The following GALM variants were observed in gnomAD, a reference collection of about 807,000 sequenced individuals.
GALM encodes the protein galactose mutarotase, also known as aldose 1-epimerase.
GALM carries 43 observed loss-of-function variants against 37.4 expected under a neutral mutation model. The ratio of observed to expected loss-of-function variants is 1.15; its 90% CI spans 0.90 to 1.48. The LOEUF (loss-of-function observed/expected upper bound fraction) is 1.48. Ranked by LOEUF, GALM falls within the 40% of genes most tolerant of loss-of-function variation. The pLI is 0.00. For synonymous variants in GALM, 199 were observed against 170.6 expected, an observed-to-expected ratio of 1.17 and a Z score of -1.30; for missense variants, 456 against 419.1, an observed-to-expected ratio of 1.09 and a Z score of -0.77.
At chr2:38,728,473 G>A (rs962732585) in intron 4 of GALM, among the ~76,000 whole-genome samples, 181 of 150,158 alleles carry the variant, frequency 1.2e-3, no homozygotes, top group Non-Finnish European at 2.0e-3. Flanking sequence ...GAGGTGGGCA[G>A]ATCACCTGTC....
intron 4 of GALM, among the ~76,000 whole-genome samples, chr2:38,691,638 C>A (rs558999902): frequency 6.6e-6 from 1 of 151,838 alleles, no homozygotes; most frequent in African/African-American, 2.4e-5. Flanking sequence ...GAGCCGTGAT[C>A]TCTGCTGCAC....
chr2:38,721,718 G>T (rs12712613), intron 4 of GALM, among the ~76,000 whole-genome samples: 62,879 of 151,678 alleles, frequency 0.41, 15,525 homozygotes, highest in Middle Eastern at 0.53. Flanking sequence ...ATCTCACCAG[G>T]TTGCCCAGGT....
Position 38,729,564 on chromosome 2 carries a change from G to GC in GALM, c.647dup (p.Val217SerfsTer27). On this transcript the variant is annotated frameshift_variant, in exon 5 of 7. Transcript: ENST00000272252. LOFTEE classifies it high-confidence loss of function. ...CTGTCTCTTCCCATCAGGAGAAGTT[G>GC]CCCCAGTGCAAGGCACTGCATTCGA... 6.2e-7 allele frequency: 1 copy of GC among 1,612,980 alleles called. No homozygotes were observed. The highest frequency in any genetic ancestry group is 2.2e-5 in the East Asian group (1 of 44,834).
At chr2:38,697,969 A>G (rs1436996813) in intron 4 of GALM, among the ~76,000 whole-genome samples, 2 of 150,778 alleles carry the variant, frequency 1.3e-5, no homozygotes, top group Non-Finnish European at 3.0e-5. Context: ...TTTTAGACAG[A>G]GTCTCACTCC....
intron 4 of GALM, among the ~76,000 whole-genome samples, chr2:38,705,198 G>A (rs1666012980): frequency 6.6e-6 from 1 of 152,148 alleles, no homozygotes; most frequent in Non-Finnish European, 1.5e-5. Flanking sequence ...TCTGGACAAG[G>A]GCTGCCTCTA....
chr2:38,708,945 C>T (rs1025903422), intron 4 of GALM, among the ~76,000 whole-genome samples: 6 of 152,152 alleles, frequency 3.9e-5, no homozygotes, highest in Admixed American at 2.6e-4. Flanking sequence ...TGGCCTCTGC[C>T]GGTGCTTCTG....
intron 4 of GALM, among the ~76,000 whole-genome samples, chr2:38,703,414 G>A (rs149578028): frequency 7.3e-5 from 11 of 151,500 alleles, no homozygotes; most frequent in African/African-American, 2.2e-4. Flanking sequence ...CCTTAAACAC[G>A]GTATATTAGC....
At chr2:38,673,469 G>A (rs766703348) in intron 1 of GALM, among the ~76,000 whole-genome samples, 10 of 152,118 alleles carry the variant, frequency 6.6e-5, no homozygotes, top group Non-Finnish European at 1.3e-4. Flanking sequence ...GCCCAAAGTT[G>A]TAAGTATGAG....
chr2:38,714,190 T>C (rs1666223717), intron 4 of GALM, among the ~76,000 whole-genome samples: 1 of 152,120 alleles, frequency 6.6e-6, no homozygotes, highest in African/African-American at 2.4e-5. Context: ...TTAGCTCATT[T>C]AACTACTTTG....
At chr2:38,695,337 A>G (rs1469264670) in intron 4 of GALM, among the ~76,000 whole-genome samples, 1 of 152,192 alleles carries the variant, frequency 6.6e-6, no homozygotes, top group African/African-American at 2.4e-5. Flanking sequence ...TAAAGTTTCA[A>G]AAAAAGAAAG....
chr2:38,694,405 T>G (rs1232404929), intron 4 of GALM, among the ~76,000 whole-genome samples: 1 of 152,116 alleles, frequency 6.6e-6, no homozygotes, highest in Admixed American at 6.6e-5. Flanking sequence ...TCTCACTGTC[T>G]CCTCCTTGTT....
chr2:38,711,641 G>A (rs1246123084), intron 4 of GALM, among the ~76,000 whole-genome samples: 3 of 148,798 alleles, frequency 2.0e-5, no homozygotes, highest in Non-Finnish European at 4.5e-5. Context: ...TCTCTGGAAT[G>A]AGACTGCCTA....
chr2:38,687,933 C>G (rs564306551), intron 3 of GALM, among the ~76,000 whole-genome samples: 5 of 152,220 alleles, frequency 3.3e-5, no homozygotes, highest in African/African-American at 1.2e-4. Flanking sequence ...ACCAGTCGGC[C>G]GGGCACAGTG....
At chr2:38,702,932 T>TTATATATATATATATATATATA (rs202010853) in intron 4 of GALM, among the ~76,000 whole-genome samples, 17 of 134,868 alleles carry the variant, frequency 1.3e-4, no homozygotes, top group African/African-American at 4.7e-4. Context: ...TATATACTTT[T>TTATATATATATATATATATATA]TATATATATA....
chr2:38,710,960 A>T (rs1666139576), intron 4 of GALM, among the ~76,000 whole-genome samples: 1 of 150,484 alleles, frequency 6.6e-6, no homozygotes. Context: ...CACCATCTTG[A>T]CCAGGCTGGT....
intron 5 of GALM, among the ~76,000 whole-genome samples, chr2:38,731,055 G>A (rs1052072691): frequency 1.2e-4 from 18 of 151,678 alleles, no homozygotes; most frequent in African/African-American, 3.2e-4. Context: ...ATGAAACCCC[G>A]ACAATACTAA....
chr2:38,722,023 C>T (rs1481696713), intron 4 of GALM, among the ~76,000 whole-genome samples: 1 of 87,776 alleles, frequency 1.1e-5, no homozygotes, highest in Non-Finnish European at 2.6e-5. Context: ...CCAACTATGC[C>T]TTCCCTTCCC....
chr2:38,675,531 TTTTTTTTTTTTTTGTGTGTGTGTGTG>T lies in GALM; in HGVS notation c.191-379_191-354del, dbSNP rs1558577571. On this transcript the variant is annotated intron_variant, in intron 1 of 6. Coordinates refer to ENST00000272252, the MANE Select transcript of GALM (RefSeq NM_138801.3). ...TTTGGATTGAGGGTTTTTTTGTTTTTTTTTTTTTTTTTTGTGTGTGTGTGTGTGTGTGTGTGTGTGTGTGTGTGTGT... is the reference window on the plus strand; with the variant it reads ...TTTGGATTGAGGGTTTTTTTGTTTTTTGTGTGTGTGTGTGTGTGTGTGTGT... Among the ~76,000 whole-genome samples, 21 of 75,158 alleles carry T rather than the reference TTTTTTTTTTTTTTGTGTGTGTGTGTG, an allele frequency of 2.8e-4. 1 individual carries two copies. Among genetic ancestry groups the T allele is most frequent in the African/African-American group, 1.8e-3 (21 of 11,428 alleles). 49.3% of individuals were successfully genotyped at this position (75,158 alleles called of 152,430 possible).
chr2:38,686,252 CT>C (rs1204229181), intron 3 of GALM, among the ~76,000 whole-genome samples: 1 of 123,996 alleles, frequency 8.1e-6, no homozygotes, highest in Non-Finnish European at 1.6e-5. Flanking sequence ...TTCTTTCTTT[CT>C]TTCTTTCTTT....
Sources: gnomAD v4.1 joint callset for allele counts (sites outside exome capture counted in the v4.1 genomes callset) on GRCh38, gnomAD v4.1.1 for gene constraint, MANE v1.5 for transcripts, NCBI Gene and HGNC (gene_info 2026-07-23, HGNC 2026-07-21) for gene names.